CNTLN: variants seen among roughly 807,000 people sequenced by gnomAD.
CNTLN encodes the protein centlein, centrosomal protein.
Under a neutral mutation model 180.0 loss-of-function variants are expected in CNTLN, and 212 were observed. The ratio of observed to expected loss-of-function variants is 1.18; its 90% CI spans 1.05 to 1.32. The LOEUF (loss-of-function observed/expected upper bound fraction) is 1.32. Ranked by LOEUF, CNTLN falls within the 40% of genes most tolerant of loss-of-function variation. The pLI is 0.00. For synonymous variants in CNTLN, 722 were observed against 563.1 expected (o/e 1.28, Z -3.99); for missense variants, 2,095 against 1,610.9 (o/e 1.30, Z -5.14).
chr9:17,364,517 G>A (rs1182204427), intron 12 of CNTLN, among the ~76,000 whole-genome samples: 3 of 151,608 alleles, frequency 2.0e-5, no homozygotes, highest in Non-Finnish European at 4.4e-5. Context: ...TTTAATATAT[G>A]TTTATCACTT....
At chr9:17,291,615 C>A (rs534413830) in intron 6 of CNTLN, among the ~76,000 whole-genome samples, 1 of 152,134 alleles carries the variant, frequency 6.6e-6, no homozygotes, top group Non-Finnish European at 1.5e-5. Context: ...TTGTCAGAAA[C>A]TAGGATTGCA....
chr9:17,465,869 A>G (rs1184626094), intron 21 of CNTLN, 112 bp from the exon 22 acceptor site: 18 of 741,610 alleles, frequency 2.4e-5, no homozygotes, highest in Non-Finnish European at 3.8e-5. Flanking sequence ...TAGCGTTATG[A>G]GAAAATAAAT....
chr9:17,263,654 C>T (rs1401289783), intron 5 of CNTLN, among the ~76,000 whole-genome samples: 1 of 145,474 alleles, frequency 6.9e-6, no homozygotes, highest in Non-Finnish European at 1.5e-5. Context: ...TTTACAGTTC[C>T]ACCAACAGTG....
intron 2 of CNTLN, among the ~76,000 whole-genome samples, chr9:17,186,706 G>A (rs1821455153): frequency 6.6e-6 from 1 of 152,060 alleles, no homozygotes; most frequent in South Asian, 2.1e-4. Context: ...GGCACACTAA[G>A]CAAACATTAC....
intron 2 of CNTLN, among the ~76,000 whole-genome samples, chr9:17,146,427 G>A (rs979944884): frequency 6.6e-6 from 1 of 152,068 alleles, no homozygotes; most frequent in Non-Finnish European, 1.5e-5. Flanking sequence ...CCCAAAATTC[G>A]TATGTTGAAC....
intron 7 of CNTLN, among the ~76,000 whole-genome samples, chr9:17,303,015 C>T (rs12004593): frequency 0.035 from 5,399 of 152,178 alleles, 343 homozygotes; most frequent in African/African-American, 0.12. Flanking sequence ...CAGGCACTGG[C>T]GATAGGGCTT....
chr9:17,301,420 G>C, intron 7 of CNTLN: 1 of 985,360 alleles, frequency 1.0e-6, no homozygotes. Flanking sequence ...AAATAAAAGA[G>C]AACAAACTGA....
chr9:17,298,282 A>T lies in CNTLN; in HGVS notation c.1076A>T (p.Asn359Ile), dbSNP rs1441408735. 21 of 1,613,650 alleles carry T rather than the reference A, an allele frequency of 1.3e-5. No homozygotes were observed. The highest frequency in any genetic ancestry group is 1.8e-5 in the Non-Finnish European group (21 of 1,179,898). Residue 359 changes from asparagine to isoleucine, a missense_variant, in exon 7 of 26, where the codon AAT becomes ATT. By Grantham distance (149) the Asn-to-Ile change is moderately radical (BLOSUM62 -3). Transcript: ENST00000380647. ...CTGATCCAGCAGCTTCAGGTTCTCA[A>T]TATGGACACACAAAAAGTACTGAGA... is the stretch of plus-strand genomic sequence containing the variant. ...AELIQQLQVLNMDTQKVLRNQ... is the reference protein window; with the variant it reads ...AELIQQLQVLIMDTQKVLRNQ...
At position 17,226,303 on chromosome 9, in the gene CNTLN, A is replaced by G. The variant is rs749002156; in HGVS notation, c.534+16A>G. ...ATTTGAACAGGTTGGTGTTATAATA[A>G]AAATATTTAAATTAACTATATTTGT... On this transcript the variant is annotated intron_variant, in intron 3 of 25. Transcript: ENST00000380647. 10 of 1,375,822 alleles carry G rather than the reference A, an allele frequency of 7.3e-6. No homozygotes were observed. The highest frequency in any genetic ancestry group is 6.9e-6 in the Non-Finnish European group (7 of 1,014,920). 85.2% of individuals were successfully genotyped at this position (1,375,822 alleles called of 1,614,324 possible).
chr9:17,242,278 T>C (rs1351204238), intron 5 of CNTLN, among the ~76,000 whole-genome samples: 1 of 151,908 alleles, frequency 6.6e-6, no homozygotes, highest in African/African-American at 2.4e-5. Context: ...AAATGCTTTT[T>C]CACCATCAAT....
chr9:17,254,767 T>C (rs1184925876), intron 5 of CNTLN, among the ~76,000 whole-genome samples: 1 of 151,638 alleles, frequency 6.6e-6, no homozygotes, highest in Non-Finnish European at 1.5e-5. Flanking sequence ...TGTGGCTGTT[T>C]GGGGTTGCTT....
intron 15 of CNTLN, among the ~76,000 whole-genome samples, chr9:17,397,314 G>A (rs1826611428): frequency 6.6e-6 from 1 of 152,164 alleles, no homozygotes. Context: ...TAAAAGAATG[G>A]CTACTCCATA....
chr9:17,445,367 GA>G (rs1158057413), intron 18 of CNTLN, among the ~76,000 whole-genome samples: 5 of 151,884 alleles, frequency 3.3e-5, no homozygotes, highest in Non-Finnish European at 7.4e-5. Context: ...ACCCTGTGGG[GA>G]AAAGCAAGAG....
intron 13 of CNTLN, among the ~76,000 whole-genome samples, chr9:17,376,655 G>A (rs991475011): frequency 6.6e-6 from 1 of 151,986 alleles, no homozygotes; most frequent in Admixed American, 6.5e-5. Flanking sequence ...GTTTCACCAT[G>A]TTAGCCAGAA....
the CNTLN span, among the ~76,000 whole-genome samples, chr9:17,518,057 T>TC: frequency 7.0e-6 from 1 of 143,330 alleles, no homozygotes; most frequent in East Asian, 2.1e-4. Context: ...TTTTTTTTTT[T>TC]TTTGAGACGG....
chr9:17,334,509 C>T (rs771422154), intron 10 of CNTLN, among the ~76,000 whole-genome samples: 4 of 151,798 alleles, frequency 2.6e-5, no homozygotes, highest in Non-Finnish European at 4.4e-5. Flanking sequence ...ATGAGATTTC[C>T]TATAAGGAAT....
In CNTLN at chr9:17,332,679, G is replaced by A; in HGVS notation, c.1593G>A (p.Leu531=). Residue 531 remains leucine, a synonymous_variant, in exon 10 of 26, where the codon CTG becomes CTA. Coordinates refer to ENST00000380647, the MANE Select transcript of CNTLN (RefSeq NM_017738.4). Reference sequence around the variant, plus strand: ...CAGACTCAGAAGAGCTACAGAAGCTGAGAAAAGCTGAAAGAAAGATTGAAA... The same window carrying A: ...CAGACTCAGAAGAGCTACAGAAGCTAAGAAAAGCTGAAAGAAAGATTGAAA... ...SFTDSEELQK[L]RKAERKIENL... is the part of the protein sequence containing the mutation. The A allele has an allele frequency of 6.2e-7, 1 of 1,607,300 alleles. No individual in the cohort carries two copies. Among genetic ancestry groups the A allele is most frequent in the Non-Finnish European group, 8.5e-7 (1 of 1,177,408 alleles).
intron 18 of CNTLN, among the ~76,000 whole-genome samples, chr9:17,437,125 G>T (rs1360115475): frequency 6.6e-6 from 1 of 152,140 alleles, no homozygotes; most frequent in Non-Finnish European, 1.5e-5. Context: ...TGTTCGCAAG[G>T]CAAACTGTGC....
At chr9:17,482,375 A>G (rs1832696337) in intron 23 of CNTLN, among the ~76,000 whole-genome samples, 1 of 152,154 alleles carries the variant, frequency 6.6e-6, no homozygotes, top group African/African-American at 2.4e-5. Flanking sequence ...TATGTAAAAT[A>G]AAATAAAATG....
Sources: gnomAD v4.1 joint callset for allele counts (sites outside exome capture counted in the v4.1 genomes callset) on GRCh38, gnomAD v4.1.1 for gene constraint, MANE v1.5 for transcripts, NCBI Gene and HGNC (gene_info 2026-07-23, HGNC 2026-07-21) for gene names.